TMEM132C: variants seen among roughly 807,000 people sequenced by gnomAD.
TMEM132C encodes the protein protein phosphatase 1, regulatory subunit 152.
TMEM132C carries 29 observed loss-of-function variants against 61.4 expected under a neutral mutation model. That is an observed-to-expected ratio of 0.47 (90% confidence interval 0.35 to 0.64). TMEM132C has a LOEUF of 0.64. Ranked by LOEUF, TMEM132C falls within the 30% of genes least tolerant of loss-of-function variation. The probability of loss-of-function intolerance (pLI) is 0.00; values close to 1 mark genes in which losing one functional copy is unlikely to be tolerated. For synonymous variants in TMEM132C, 656 were observed against 633.1 expected (o/e 1.04, Z -0.54); for missense variants, 1,408 against 1,476.9 (o/e 0.95, Z 0.76).
At chr12:128,631,724 C>G (rs1414969845) in intron 4 of TMEM132C, among the ~76,000 whole-genome samples, 2 of 152,172 alleles carry the variant, frequency 1.3e-5, no homozygotes, top group Non-Finnish European at 2.9e-5. Flanking sequence ...CCATTTGTCT[C>G]TTTGTCTCAG....
At chr12:128,331,055 A>C (rs1475266382) in intron 1 of TMEM132C, among the ~76,000 whole-genome samples, 1 of 152,066 alleles carries the variant, frequency 6.6e-6, no homozygotes, top group Non-Finnish European at 1.5e-5. Flanking sequence ...ATAAAGTTGA[A>C]ATCCTTTGCA....
intron 1 of TMEM132C, among the ~76,000 whole-genome samples, chr12:128,339,235 G>A (rs1872882449): frequency 6.6e-6 from 1 of 151,940 alleles, no homozygotes; most frequent in Non-Finnish European, 1.5e-5. Flanking sequence ...AGGGCTTCCA[G>A]CTCTTAGAGG....
Position 128,544,086 on chromosome 12 carries a change from G to T in TMEM132C, c.1104G>T (p.Gly368=). The stretch of plus-strand genomic sequence containing the variant: ...CCACCGTGGCCTGCCAGCGCCTGGG[G>T]CCCAGCCCACGCAACAGGTAAGCGG... ...VTATVACQRL[G]PSPRNRSSSL... is the part of the protein sequence containing the mutation. The change falls in exon 3 of 9, where the codon GGG becomes GGT. Residue 368 remains glycine (G), a synonymous_variant. Coordinates refer to ENST00000435159, the MANE Select transcript of TMEM132C (RefSeq NM_001136103.3). The T allele has an allele frequency of 6.5e-7, 1 of 1,539,692 alleles. No homozygotes were observed.
chr12:128,628,311 G>A (rs1020075113), intron 4 of TMEM132C, among the ~76,000 whole-genome samples: 12 of 152,248 alleles, frequency 7.9e-5, no homozygotes, highest in African/African-American at 2.9e-4. Context: ...GTCCACGGCG[G>A]CACGCTGAGA....
chr12:128,576,080 C>T (rs1047033499), intron 3 of TMEM132C, among the ~76,000 whole-genome samples: 7 of 152,100 alleles, frequency 4.6e-5, no homozygotes, highest in Admixed American at 3.9e-4. Flanking sequence ...CATGGTGAAC[C>T]CTCCTCTCCA....
At chr12:128,575,492 AAAG>A (rs1218096011) in intron 3 of TMEM132C, among the ~76,000 whole-genome samples, 2 of 151,982 alleles carry the variant, frequency 1.3e-5, no homozygotes, top group African/African-American at 4.8e-5. Context: ...AAGAAAAAAA[AAAG>A]AAAAAAAAGG....
At chr12:128,457,382 G>A (rs1372858255) in intron 2 of TMEM132C, among the ~76,000 whole-genome samples, 1 of 151,464 alleles carries the variant, frequency 6.6e-6, no homozygotes, top group Non-Finnish European at 1.5e-5. Flanking sequence ...GACCATCCTG[G>A]CTAACACGGT....
intron 2 of TMEM132C, among the ~76,000 whole-genome samples, chr12:128,472,358 A>G (rs1201336320): frequency 6.6e-6 from 1 of 152,178 alleles, no homozygotes; most frequent in African/African-American, 2.4e-5. Context: ...AGATGCTAGC[A>G]GTTCTGGGTC....
intron 2 of TMEM132C, among the ~76,000 whole-genome samples, chr12:128,496,670 G>A (rs1871973703): frequency 6.6e-6 from 1 of 152,176 alleles, no homozygotes; most frequent in South Asian, 2.1e-4. Context: ...TCGTGCCATG[G>A]TTTTCAGCTC....
At chr12:128,555,052 T>G (rs1434265379) in intron 3 of TMEM132C, among the ~76,000 whole-genome samples, 3 of 152,178 alleles carry the variant, frequency 2.0e-5, no homozygotes, top group Non-Finnish European at 4.4e-5. Flanking sequence ...CCCAAGCTCC[T>G]TAATTCAAGA....
At chr12:128,267,940 T>C (rs1870369490) in intron 1 of TMEM132C, among the ~76,000 whole-genome samples, 2 of 152,222 alleles carry the variant, frequency 1.3e-5, no homozygotes. Flanking sequence ...GCTTCGGCAC[T>C]GTGGGGCTGG....
intron 1 of TMEM132C, among the ~76,000 whole-genome samples, chr12:128,289,697 A>G (rs1402358239): frequency 3.9e-5 from 6 of 152,234 alleles, no homozygotes; most frequent in African/African-American, 1.4e-4. Context: ...ATGATTCTCA[A>G]TAATTTTTGG....
chr12:128,584,161 G>C (rs1410074680), intron 3 of TMEM132C, among the ~76,000 whole-genome samples: 3 of 152,216 alleles, frequency 2.0e-5, no homozygotes, highest in African/African-American at 7.2e-5. Flanking sequence ...CATGGTTTTA[G>C]TTCTCAGTCA....
chr12:128,473,867 C>T (rs1220183232), intron 2 of TMEM132C, among the ~76,000 whole-genome samples: 1 of 152,202 alleles, frequency 6.6e-6, no homozygotes, highest in Non-Finnish European at 1.5e-5. Context: ...GGATGCCTAA[C>T]TTACTTACAT....
At chr12:128,512,088 T>C (rs547212660) in intron 2 of TMEM132C, among the ~76,000 whole-genome samples, 1 of 152,236 alleles carries the variant, frequency 6.6e-6, no homozygotes, top group East Asian at 1.9e-4. Context: ...CTGCCAGTTT[T>C]TTTTTTCTTT....
chr12:128,632,959 A>G (rs1041781739), intron 4 of TMEM132C, among the ~76,000 whole-genome samples: 2 of 152,190 alleles, frequency 1.3e-5, no homozygotes, highest in East Asian at 1.9e-4. Flanking sequence ...GGTGCATAAC[A>G]ATTTTCCCTG....
chr12:128,539,765 C>G (rs1389833564), intron 2 of TMEM132C, among the ~76,000 whole-genome samples: 1 of 152,080 alleles, frequency 6.6e-6, no homozygotes, highest in Admixed American at 6.5e-5. Flanking sequence ...ATTCTGAATT[C>G]TTTCTGATGG....
chr12:128,457,322 AC>A (rs1293037434), intron 2 of TMEM132C, among the ~76,000 whole-genome samples: 1 of 151,158 alleles, frequency 6.6e-6, no homozygotes, highest in African/African-American at 2.4e-5. Flanking sequence ...AAAAAAAAAA[AC>A]AGCGCTTTGG....
chr12:128,352,028 A>T (rs749674897), intron 1 of TMEM132C, among the ~76,000 whole-genome samples: 23 of 152,132 alleles, frequency 1.5e-4, no homozygotes, highest in Non-Finnish European at 2.5e-4. Flanking sequence ...AGGCAGGAAA[A>T]ATGTCTTACT....
Sources: allele counts gnomAD v4.1 joint callset (sites outside exome capture counted in the v4.1 genomes callset), GRCh38; gene constraint gnomAD v4.1.1; transcripts MANE v1.5; gene names NCBI Gene and HGNC (gene_info 2026-07-23, HGNC 2026-07-21).